GGA3: variants seen among roughly 807,000 people sequenced by gnomAD.
GGA3 encodes ADP-ribosylation factor-binding protein GGA3.
Under a neutral mutation model 77.5 loss-of-function variants are expected in GGA3, and 57 were observed. The observed-to-expected ratio is 0.74, with a 90% CI of 0.59 to 0.92. The LOEUF (loss-of-function observed/expected upper bound fraction) is 0.92. Among genes scored for constraint, GGA3 ranks in the 40% least tolerant of loss-of-function variants. The pLI is 0.00. For synonymous variants in GGA3, 416 were observed against 383.7 expected (o/e 1.08, Z -0.98); for missense variants, 970 against 914.9 (o/e 1.06, Z -0.78).
chr17:75,253,282 CCTTCT>C (rs2077033849), intron 1 of GGA3, among the ~76,000 whole-genome samples: 1 of 152,210 alleles, frequency 6.6e-6, no homozygotes, highest in Admixed American at 6.5e-5. Flanking sequence ...TCAATCTCTC[CCTTCT>C]CTTAATTTCA....
intron 6 of GGA3, 37 bp from the exon 7 acceptor site, chr17:75,242,948 C>T: frequency 6.4e-7 from 1 of 1,558,516 alleles, no homozygotes; most frequent in Non-Finnish European, 8.9e-7. Flanking sequence ...AGGGAAGAGG[C>T]AGCACCCGTA....
rs745908014 is a variant in GGA3 at position 75,244,733 on chromosome 17, G to A, written c.202-16C>T. On this transcript the variant is annotated splice_polypyrimidine_tract_variant and intron_variant, in intron 3 of 16. Coordinates refer to ENST00000537686, the MANE Select transcript of GGA3 (RefSeq NM_138619.4). Reference sequence around the variant, plus strand: ...CCTCCAGCACCTGTAGCCGCACAGAGGAGAGGCGCTCAGTGAGGGCGTGCT... The same window carrying A: ...CCTCCAGCACCTGTAGCCGCACAGAAGAGAGGCGCTCAGTGAGGGCGTGCT... The A allele has an allele frequency of 1.9e-6, 3 of 1,592,536 alleles. No individual in the cohort carries two copies. The highest frequency in any genetic ancestry group is 1.7e-6 in the Non-Finnish European group (2 of 1,160,484).
chr17:75,257,288 C>CCCCCAAAAAAAA (rs60470087), intron 1 of GGA3, among the ~76,000 whole-genome samples: 1 of 133,364 alleles, frequency 7.5e-6, no homozygotes, highest in Non-Finnish European at 1.6e-5. Context: ...GCCCCCCCCC[C>CCCCCAAAAAAAA]CAAAAAAAAC....
intron 8 of GGA3, chr17:75,242,114 T>C: frequency 1.7e-6 from 1 of 600,934 alleles, no homozygotes; most frequent in Non-Finnish European, 3.0e-6. Context: ...GACTCAGGTT[T>C]CCATCTGGCC....
rs777174682 is a variant in GGA3 at position 75,239,920 on chromosome 17, AAAC to A, written c.1449_1451del (p.Leu483del). 6.2e-7 allele frequency: 1 copy of A among 1,610,336 alleles called. No homozygotes were observed. Among genetic ancestry groups the A allele is most frequent in the South Asian group, 1.1e-5 (1 of 90,650 alleles). ...CCAAGGCTGGGGCCACTCCAGTAGA[AAAC>A]AAGGAGGAGCCCGCACTGGGGGCAG... On this transcript the variant is annotated inframe_deletion, in exon 13 of 17. Transcript: ENST00000537686.
chr17:75,240,800 T>G lies in GGA3; in HGVS notation c.1192+12A>C. The G allele has an allele frequency of 6.2e-7, 1 of 1,602,086 alleles. No homozygotes were observed. Among genetic ancestry groups the G allele is most frequent in the Non-Finnish European group, 8.5e-7 (1 of 1,175,296 alleles). On this transcript the variant is annotated intron_variant, in intron 11 of 16. Transcript: ENST00000537686. ...GTCAGGGGATGCCCCTGACGCCCCCTGTGGGCCGCACCCAAGCAGAGTAGC... is the reference window on the plus strand; with the variant it reads ...GTCAGGGGATGCCCCTGACGCCCCCGGTGGGCCGCACCCAAGCAGAGTAGC...
intron 5 of GGA3, 120 bp from the exon 6 acceptor site, chr17:75,243,286 G>A: frequency 9.0e-7 from 1 of 1,108,486 alleles, no homozygotes; most frequent in Non-Finnish European, 1.3e-6. Flanking sequence ...GTGGAGGGCA[G>A]GCTGCTACAC....
At chr17:75,253,639 G>C (rs2077045586) in intron 1 of GGA3, among the ~76,000 whole-genome samples, 1 of 152,180 alleles carries the variant, frequency 6.6e-6, no homozygotes, top group East Asian at 1.9e-4. Flanking sequence ...GCTTTTCTAG[G>C]GGGCAAGAAC....
chr17:75,245,572 T>C (rs1439400611), intron 3 of GGA3, among the ~76,000 whole-genome samples: 2 of 152,262 alleles, frequency 1.3e-5, no homozygotes, highest in Non-Finnish European at 1.5e-5. Flanking sequence ...TTGGTCAGGC[T>C]AGAGTGCAAC....
At chr17:75,259,111 G>A (rs2077257368) in intron 1 of GGA3, among the ~76,000 whole-genome samples, 1 of 151,858 alleles carries the variant, frequency 6.6e-6, no homozygotes, top group South Asian at 2.1e-4. Flanking sequence ...CCGCCACTAC[G>A]CCTGGCTATT....
At chr17:75,256,541 C>G (rs2077157926) in intron 1 of GGA3, among the ~76,000 whole-genome samples, 1 of 152,134 alleles carries the variant, frequency 6.6e-6, no homozygotes. Flanking sequence ...CCTGATCACG[C>G]TTGATTTATT....
At chr17:75,252,328 G>A (rs1165456815) in intron 1 of GGA3, among the ~76,000 whole-genome samples, 2 of 151,990 alleles carry the variant, frequency 1.3e-5, no homozygotes. Flanking sequence ...GGGCTCAGGC[G>A]ATGCTCCCAC....
At chr17:75,257,284 C>CG (rs1555591646) in intron 1 of GGA3, among the ~76,000 whole-genome samples, 61 of 68,428 alleles carry the variant, frequency 8.9e-4, no homozygotes, top group Middle Eastern at 0.011. Flanking sequence ...CTGTGCCCCC[C>CG]CCCCCAAAAA....
chr17:75,247,118 C>T (rs1221088907), intron 1 of GGA3, among the ~76,000 whole-genome samples: 1 of 152,062 alleles, frequency 6.6e-6, no homozygotes, highest in Non-Finnish European at 1.5e-5. Flanking sequence ...AAAATGCCTA[C>T]ATGAAACATG....
Position 75,261,555 on chromosome 17 carries a change from G to A in GGA3, c.33C>T (p.Ser11=), listed in dbSNP as rs573477547. ...ACGGCCGCGGCTACTCACTGAGCCA[G>A]GACTCCAGGCTTTCCCCTTCCGCCT... MAEAEGESLE[S]WLNKATNPSN... Residue 11 remains serine (S), a synonymous_variant, in exon 1 of 17, where the codon TCC becomes TCT. Coordinates refer to ENST00000537686, the MANE Select transcript of GGA3 (RefSeq NM_138619.4). 8 of 1,547,824 alleles carry A rather than the reference G, an allele frequency of 5.2e-6. No individual in the cohort carries two copies. The South Asian group carries it at 9.6e-5, about 19-fold the overall frequency.
Position 75,246,773 on chromosome 17 carries a change from G to A in GGA3, c.64C>T (p.Arg22Cys), listed in dbSNP as rs551110589. 98 of 1,613,136 alleles carry A rather than the reference G, an allele frequency of 6.1e-5. No homozygotes were observed. Among genetic ancestry groups the A allele is most frequent in the Non-Finnish European group, 7.5e-5 (88 of 1,179,850 alleles). ...ATTATGTATTCCCAGTCCTCCTGGCGGTTGGAAGGATTGGTGGCTTTATCT... is the reference window on the plus strand; with the variant it reads ...ATTATGTATTCCCAGTCCTCCTGGCAGTTGGAAGGATTGGTGGCTTTATCT... ...WLNKATNPSN[R>C]QEDWEYIIGF... The change falls in exon 2 of 17, where the codon CGC becomes TGC. Residue 22 changes from arginine (R) to cysteine (C), a missense_variant. Transcript: ENST00000537686.
intron 15 of GGA3, 27 bp downstream of exon 15, chr17:75,238,887 G>A (rs761064672): frequency 2.8e-5 from 45 of 1,611,134 alleles, no homozygotes; most frequent in Middle Eastern, 1.6e-4. Context: ...AGATAAGGCC[G>A]TTTTGGCCCC....
intron 1 of GGA3, among the ~76,000 whole-genome samples, chr17:75,260,785 C>G (rs1255857665): frequency 2.6e-5 from 4 of 152,196 alleles, no homozygotes; most frequent in African/African-American, 9.7e-5. Flanking sequence ...ACATTTCCTT[C>G]GTAGCACTGT....
At chr17:75,242,597 G>T in intron 7 of GGA3, 124 bp from the exon 8 acceptor site, 1 of 1,146,178 alleles carries the variant, frequency 8.7e-7, no homozygotes. Context: ...AGTGTGGGGT[G>T]CCTGGGGCCC....
Sources: gnomAD v4.1 joint callset for allele counts (sites outside exome capture counted in the v4.1 genomes callset) on GRCh38, gnomAD v4.1.1 for gene constraint, MANE v1.5 for transcripts, NCBI Gene and HGNC (gene_info 2026-07-23, HGNC 2026-07-21) for gene names.